CNDP1: variants seen among roughly 807,000 people sequenced by gnomAD.
CNDP1 encodes carnosine dipeptidase 1.
A neutral mutation model predicts 58.1 loss-of-function variants in CNDP1; 44 were observed. The ratio of observed to expected loss-of-function variants is 0.76; its 90% CI spans 0.60 to 0.97. CNDP1 has a LOEUF of 0.97. Among genes scored for constraint, CNDP1 ranks in the 50% least tolerant of loss-of-function variants. The pLI is 0.00. For missense variants in CNDP1, 616 were observed against 655.1 expected (o/e 0.94, Z 0.65); for synonymous variants, 254 against 252.6 (o/e 1.01, Z -0.05).
chr18:74,571,152 G>T (rs1475933616), intron 6 of CNDP1, 34 bp from the exon 7 acceptor site: 1 of 1,408,694 alleles, frequency 7.1e-7, no homozygotes, highest in Non-Finnish European at 1.0e-6. Context: ...ACCAAGGCAG[G>T]AAGTATATCT....
chr18:74,534,605 A>G lies in CNDP1; in HGVS notation c.-63A>G. The G allele has an allele frequency of 2.5e-6, 4 of 1,571,416 alleles. No individual in the cohort carries two copies. In the South Asian group the frequency reaches 4.5e-5, roughly 17 times the overall value. The stretch of plus-strand genomic sequence containing the variant: ...GTCACCCTCTTGGGGCTTTCATGGG[A>G]CTCCCTCTGCCACATTTTTTGGAGG... On this transcript the variant is annotated 5_prime_UTR_variant, in exon 1 of 12. Coordinates refer to ENST00000358821, the MANE Select transcript of CNDP1 (RefSeq NM_032649.6).
rs1599101805 is a variant in CNDP1, at chr18:74,576,852, C to G, written c.842-17C>G. The stretch of plus-strand genomic sequence containing the variant: ...ACTCCTTTCTACCTGGCTTTGTTTT[C>G]TGTGTGTGTTTTGTAGGTAGCCTGG... On this transcript the variant is annotated splice_polypyrimidine_tract_variant and intron_variant, in intron 7 of 11. Coordinates refer to ENST00000358821, the MANE Select transcript of CNDP1 (RefSeq NM_032649.6). 6 of 1,597,568 alleles carry G rather than the reference C, an allele frequency of 3.8e-6. No individual in the cohort carries two copies. Among genetic ancestry groups the G allele is most frequent in the Non-Finnish European group, 5.1e-6 (6 of 1,172,522 alleles).
At chr18:74,556,221 C>A in intron 1 of CNDP1, 117 bp from the exon 2 acceptor site, 1 of 1,127,728 alleles carries the variant, frequency 8.9e-7, no homozygotes, top group Non-Finnish European at 1.3e-6. Flanking sequence ...TTATTTTATT[C>A]CGACTGACTG....
chr18:74,570,223 A>AATAATAATAATAATAAT (rs1981442238), intron 6 of CNDP1, among the ~76,000 whole-genome samples: 1 of 111,542 alleles, frequency 9.0e-6, no homozygotes, highest in Admixed American at 1.1e-4. Context: ...AATAATTAAT[A>AATAATAATAATAATAAT]ATAATAATAA....
intron 1 of CNDP1, among the ~76,000 whole-genome samples, chr18:74,543,328 A>G (rs1363322742): frequency 6.6e-6 from 1 of 151,992 alleles, no homozygotes; most frequent in East Asian, 1.9e-4. Flanking sequence ...CCCTGTTTCT[A>G]CAAAAAATAC....
At chr18:74,566,185 C>G (rs1351270883) in intron 5 of CNDP1, among the ~76,000 whole-genome samples, 2 of 152,200 alleles carry the variant, frequency 1.3e-5, no homozygotes, top group African/African-American at 4.8e-5. Flanking sequence ...GGGCCTGGCC[C>G]ATGAAACCAT....
chr18:74,569,597 A>C (rs982174832), intron 6 of CNDP1, among the ~76,000 whole-genome samples: 1 of 152,188 alleles, frequency 6.6e-6, no homozygotes, highest in African/African-American at 2.4e-5. Context: ...CCCTTAAATT[A>C]GCGTGAGCAC....
intron 6 of CNDP1, among the ~76,000 whole-genome samples, chr18:74,570,218 T>TAATAATAACAATAATAATAA (rs56019800): frequency 1.0e-5 from 1 of 97,898 alleles, no homozygotes; most frequent in African/African-American, 2.8e-5. Flanking sequence ...ATAATAATAA[T>TAATAATAACAATAATAATAA]TAATAATAAT....
chr18:74,535,142 T>A (rs1980454810), intron 1 of CNDP1, among the ~76,000 whole-genome samples: 1 of 152,204 alleles, frequency 6.6e-6, no homozygotes, highest in Non-Finnish European at 1.5e-5. Flanking sequence ...ACCCCAGGCC[T>A]TTCTCGGCGA....
chr18:74,554,130 G>A (rs563428692), intron 1 of CNDP1, among the ~76,000 whole-genome samples: 2 of 152,254 alleles, frequency 1.3e-5, no homozygotes, highest in East Asian at 1.9e-4. Flanking sequence ...TGGTCTCCCC[G>A]TGATGCCACC....
Position 74,586,085 on chromosome 18 carries a change from T to G in CNDP1, c.*1523T>G, listed in dbSNP as rs1316452054. 6.6e-6 allele frequency: 1 copy of G among 152,030 alleles called. No homozygotes were observed. Among genetic ancestry groups the G allele is most frequent in the East Asian group, 1.9e-4 (1 of 5,200 alleles). 9.4% of individuals were successfully genotyped at this position (152,030 alleles called of 1,614,324 possible). A position where few individuals can be genotyped will look rare whatever the true frequency, so the allele number is the denominator to read the frequency against. ...TGGTTCTTGAGATGTCAGTGTCAGT[T>G]TAAAAACGTGCTGTACCACCTTTAA... On this transcript the variant is annotated 3_prime_UTR_variant, in exon 12 of 12. Coordinates refer to ENST00000358821, the MANE Select transcript of CNDP1 (RefSeq NM_032649.6).
At chr18:74,584,472 T>G (rs1981863128) in intron 11 of CNDP1, 24 bp from the exon 12 acceptor site, 2 of 1,559,704 alleles carry the variant, frequency 1.3e-6, no homozygotes. Context: ...TAACAAAATT[T>G]CTCTTTGTTT....
At chr18:74,554,366 C>T (rs184075854) in intron 1 of CNDP1, among the ~76,000 whole-genome samples, 3 of 152,124 alleles carry the variant, frequency 2.0e-5, no homozygotes, top group Non-Finnish European at 4.4e-5. Context: ...ATGGATTGAC[C>T]CCAGGTGCTG....
chr18:74,554,129 C>T lies in CNDP1; in HGVS notation c.25-2209C>T, dbSNP rs116860132. Among the ~76,000 whole-genome samples, 1,160 of 152,242 alleles carry T rather than the reference C, an allele frequency of 7.6e-3. 36 individuals carry two copies. The highest frequency in any genetic ancestry group is 0.043 in the Admixed American group (654 of 15,296). ...CTGACTATTAGGCCTGTGGTCTCCC[C>T]GTGATGCCACCCCGACTGCACTGCT... On this transcript the variant is annotated intron_variant, in intron 1 of 11. Transcript: ENST00000358821.
chr18:74,573,184 A>G (rs1981532095), intron 7 of CNDP1, among the ~76,000 whole-genome samples: 1 of 151,758 alleles, frequency 6.6e-6, no homozygotes, highest in Admixed American at 6.6e-5. Flanking sequence ...GCATCTATCC[A>G]TCCATTATCT....
chr18:74,583,480 A>G (rs1981835701), intron 10 of CNDP1, 81 bp from the exon 11 acceptor site: 1 of 1,125,612 alleles, frequency 8.9e-7, no homozygotes, highest in South Asian at 1.4e-5. Flanking sequence ...AGAGGAAGGT[A>G]AAGGAGGCAC....
chr18:74,579,239 CCT>C (rs1981724847), intron 9 of CNDP1, among the ~76,000 whole-genome samples: 1 of 148,166 alleles, frequency 6.7e-6, no homozygotes, highest in African/African-American at 2.5e-5. Context: ...CCTCACCTCC[CCT>C]CTCCTTTCCT....
At chr18:74,565,974 A>C (rs191452678) in intron 5 of CNDP1, among the ~76,000 whole-genome samples, 2 of 152,340 alleles carry the variant, frequency 1.3e-5, no homozygotes, top group East Asian at 3.9e-4. Context: ...CATTTTCTGA[A>C]ATCTAGTTAG....
At chr18:74,577,688 T>A (rs547804964) in intron 8 of CNDP1, 1 of 153,236 alleles carries the variant, frequency 6.5e-6, no homozygotes, top group Admixed American at 6.5e-5. Context: ...GCAGACCAGC[T>A]CCAGGATGGC....
Sources: allele counts gnomAD v4.1 joint callset (sites outside exome capture counted in the v4.1 genomes callset), GRCh38; gene constraint gnomAD v4.1.1; transcripts MANE v1.5; gene names NCBI Gene and HGNC (gene_info 2026-07-23, HGNC 2026-07-21).